Variants in TENM3 observed in about 807,000 individuals in gnomAD.
The protein encoded by TENM3 is teneurin transmembrane protein 3, also known as teneurin-3.
TENM3 carries 63 observed loss-of-function variants against 255.1 expected under a neutral mutation model. The ratio of observed to expected loss-of-function variants is 0.25; its 90% CI spans 0.20 to 0.30. The LOEUF (loss-of-function observed/expected upper bound fraction) is 0.30. Ranked by LOEUF, TENM3 falls within the 10% of genes least tolerant of loss-of-function variation. The probability of loss-of-function intolerance (pLI) is 1.00; values close to 1 mark genes in which losing one functional copy is unlikely to be tolerated. For synonymous variants in TENM3, 1,306 were observed against 1,322.3 expected (o/e 0.99, Z 0.27); for missense variants, 2,929 against 3,461.1 (o/e 0.85, Z 3.86).
At chr4:181,699,898 G>A in the TENM3 span, among the ~76,000 whole-genome samples, 2 of 152,268 alleles carry the variant, frequency 1.3e-5, no homozygotes, top group East Asian at 1.9e-4. Flanking sequence ...AGAAGAGGAC[G>A]TTTTTTCTTT....
At chr4:182,151,877 A>C (rs1469399938) in intron 1 of TENM3, among the ~76,000 whole-genome samples, 1 of 152,050 alleles carries the variant, frequency 6.6e-6, no homozygotes, top group African/African-American at 2.4e-5. Flanking sequence ...TATTATAGAT[A>C]TGTGATGAAC....
chr4:182,393,702 T>C (rs908260618), intron 3 of TENM3, among the ~76,000 whole-genome samples: 4 of 152,196 alleles, frequency 2.6e-5, no homozygotes, highest in African/African-American at 9.6e-5. Context: ...CCATCTAATA[T>C]CCTGTTATGG....
At chr4:181,895,646 G>A in the TENM3 span, among the ~76,000 whole-genome samples, 22 of 142,048 alleles carry the variant, frequency 1.5e-4, no homozygotes, top group African/African-American at 4.9e-4. Flanking sequence ...CTAGGCTCAA[G>A]CAATCCTCCC....
chr4:182,323,693 G>A (rs750160007), intron 1 of TENM3, among the ~76,000 whole-genome samples: 23 of 151,382 alleles, frequency 1.5e-4, no homozygotes, highest in Admixed American at 5.3e-4. Context: ...TTTTTTTTTT[G>A]TATTAATGGG....
At chr4:182,379,109 G>C (rs543084973) in intron 3 of TENM3, among the ~76,000 whole-genome samples, 2 of 152,326 alleles carry the variant, frequency 1.3e-5, no homozygotes, top group South Asian at 4.1e-4. Context: ...CAGGCTTGGT[G>C]GCTCACGCCT....
intron 3 of TENM3, among the ~76,000 whole-genome samples, chr4:182,362,708 C>T (rs555270587): frequency 1.2e-4 from 19 of 152,288 alleles, no homozygotes; most frequent in African/African-American, 4.6e-4. Flanking sequence ...TGCTTCGGCT[C>T]GCACACGGTG....
the TENM3 span, among the ~76,000 whole-genome samples, chr4:181,704,274 C>A: frequency 3.9e-5 from 6 of 152,324 alleles, no homozygotes; most frequent in Admixed American, 3.9e-4. Flanking sequence ...CAGGGTCCAA[C>A]CCATGTTTCT....
intron 12 of TENM3, among the ~76,000 whole-genome samples, chr4:182,693,283 A>G (rs112521267): frequency 6.6e-6 from 1 of 152,112 alleles, no homozygotes; most frequent in African/African-American, 2.4e-5. Flanking sequence ...TTTAAATAAA[A>G]TGTTTTTAGG....
At chr4:182,076,878 C>T in the TENM3 span, among the ~76,000 whole-genome samples, 4 of 152,286 alleles carry the variant, frequency 2.6e-5, no homozygotes, top group South Asian at 2.1e-4. Flanking sequence ...CACAGGTGAC[C>T]GCATCTGGCC....
At chr4:181,845,514 C>T in the TENM3 span, among the ~76,000 whole-genome samples, 1 of 152,292 alleles carries the variant, frequency 6.6e-6, no homozygotes, top group South Asian at 2.1e-4. Context: ...AATATATACA[C>T]ATACACACAC....
chr4:182,118,843 G>T, the TENM3 span, among the ~76,000 whole-genome samples: 1 of 152,130 alleles, frequency 6.6e-6, no homozygotes, highest in Non-Finnish European at 1.5e-5. Flanking sequence ...TACATTGTTG[G>T]ATTTGATTTG....
At chr4:182,676,645 T>A (rs1181277638) in intron 7 of TENM3, among the ~76,000 whole-genome samples, 2 of 152,196 alleles carry the variant, frequency 1.3e-5, no homozygotes, top group Non-Finnish European at 2.9e-5. Context: ...ACTACCAAGA[T>A]AACTGAAACA....
At chr4:182,766,556 G>C (rs913908044) in intron 22 of TENM3, among the ~76,000 whole-genome samples, 1 of 152,110 alleles carries the variant, frequency 6.6e-6, no homozygotes, top group African/African-American at 2.4e-5. Flanking sequence ...CCCTGATGTG[G>C]TAATGACTAT....
the TENM3 span, among the ~76,000 whole-genome samples, chr4:181,644,898 A>G: frequency 1.2e-4 from 18 of 152,224 alleles, no homozygotes; most frequent in Admixed American, 3.3e-4. Flanking sequence ...GAACAGCCAA[A>G]TAAAAATGTT....
chr4:181,540,889 T>C, the TENM3 span, among the ~76,000 whole-genome samples: 2 of 148,206 alleles, frequency 1.3e-5, no homozygotes, highest in African/African-American at 5.3e-5. Flanking sequence ...CTTAAATTAA[T>C]AGAAATATTT....
the TENM3 span, among the ~76,000 whole-genome samples, chr4:181,661,330 G>A: frequency 6.6e-6 from 1 of 152,078 alleles, no homozygotes; most frequent in East Asian, 1.9e-4. Context: ...TAGTGGACCT[G>A]CACTTTCAGG....
intron 2 of TENM3, among the ~76,000 whole-genome samples, chr4:182,333,946 C>G (rs1203954896): frequency 6.6e-6 from 1 of 152,058 alleles, no homozygotes; most frequent in African/African-American, 2.4e-5. Context: ...TCCACATGAC[C>G]TGTGTGTGAA....
At chr4:182,046,581 A>G in the TENM3 span, among the ~76,000 whole-genome samples, 1 of 147,006 alleles carries the variant, frequency 6.8e-6, no homozygotes, top group East Asian at 2.0e-4. Flanking sequence ...AATAATAATA[A>G]CAACCAGGTG....
chr4:181,522,986 T>C, the TENM3 span: 10 of 658,664 alleles, frequency 1.5e-5, no homozygotes, highest in Admixed American at 5.5e-5. Flanking sequence ...GTAGGATGCA[T>C]AGGGAACTCA....
Sources: allele counts gnomAD v4.1 joint callset (sites outside exome capture counted in the v4.1 genomes callset), GRCh38; gene constraint gnomAD v4.1.1; transcripts MANE v1.5; gene names NCBI Gene and HGNC (gene_info 2026-07-23, HGNC 2026-07-21).